OR1B1: variants seen among roughly 807,000 people sequenced by gnomAD.
The protein encoded by OR1B1 is olfactory receptor 1B1.
For missense variants in OR1B1, 414 were observed against 402.1 expected, an observed-to-expected ratio of 1.03 and a Z score of -0.25; for synonymous variants, 168 against 156.2, an observed-to-expected ratio of 1.08 and a Z score of -0.57.
the OR1B1 span, among the ~76,000 whole-genome samples, chr9:122,637,804 C>T: frequency 6.6e-6 from 1 of 151,808 alleles, no homozygotes; most frequent in Non-Finnish European, 1.5e-5. Context: ...ATTTTGTAGC[C>T]CAATATGTGG....
At chr9:122,651,289 A>T in the OR1B1 span, among the ~76,000 whole-genome samples, 32,517 of 152,072 alleles carry the variant, frequency 0.21, 3,760 homozygotes, top group East Asian at 0.4. Flanking sequence ...CATATCCATC[A>T]TCTCAAACAC....
chr9:122,639,765 ATATT>A, the OR1B1 span: 7 of 148,994 alleles, frequency 4.7e-5, no homozygotes, highest in African/African-American at 1.5e-4. Flanking sequence ...ATTTCAATAT[ATATT>A]TATATATATT....
At chr9:122,646,270 A>G in the OR1B1 span, among the ~76,000 whole-genome samples, 1 of 152,150 alleles carries the variant, frequency 6.6e-6, no homozygotes, top group Non-Finnish European at 1.5e-5. Context: ...GAAGACAAGA[A>G]GGAAGGAAAA....
At chr9:122,651,011 C>T in the OR1B1 span, among the ~76,000 whole-genome samples, 2 of 150,378 alleles carry the variant, frequency 1.3e-5, no homozygotes, top group Non-Finnish European at 1.5e-5. Flanking sequence ...GGTGACAGAG[C>T]GAGACGCCGT....
At chr9:122,654,789 T>G in the OR1B1 span, among the ~76,000 whole-genome samples, 1 of 152,246 alleles carries the variant, frequency 6.6e-6, no homozygotes. Context: ...TGTGCATTAC[T>G]TATTTCAGTC....
chr9:122,636,069 G>T, the OR1B1 span, among the ~76,000 whole-genome samples: 63 of 152,202 alleles, frequency 4.1e-4, no homozygotes, highest in East Asian at 0.012. Flanking sequence ...TCCTGTTAGG[G>T]CCCAAACTTA....
the OR1B1 span, among the ~76,000 whole-genome samples, chr9:122,656,832 C>A: frequency 1.3e-5 from 2 of 152,068 alleles, no homozygotes; most frequent in Non-Finnish European, 2.9e-5. Flanking sequence ...TGAATGGGTA[C>A]TTTTATTTTA....
At chr9:122,642,380 G>A in the OR1B1 span, among the ~76,000 whole-genome samples, 1 of 152,154 alleles carries the variant, frequency 6.6e-6, no homozygotes. Flanking sequence ...TGGATTGTGT[G>A]ACTCCAGCCT....
chr9:122,652,028 T>C, the OR1B1 span, among the ~76,000 whole-genome samples: 1 of 152,322 alleles, frequency 6.6e-6, no homozygotes, highest in African/African-American at 2.4e-5. Context: ...CTCCAACTCC[T>C]GGCCTCAAGT....
exon 1 of OR1B1, chr9:122,628,644 G>A: frequency 6.2e-7 from 1 of 1,614,074 alleles, no homozygotes. Context: ...TTATTGTGGA[G>A]GCTATACACA....
exon 1 of OR1B1, chr9:122,628,879 G>A (rs776196268): frequency 2.7e-5 from 44 of 1,614,038 alleles, no homozygotes; most frequent in Non-Finnish European, 3.4e-5. Flanking sequence ...AGAGTACAAT[G>A]AGGGCACAGG....
the OR1B1 span, among the ~76,000 whole-genome samples, chr9:122,654,730 A>T: frequency 6.6e-6 from 1 of 152,132 alleles, no homozygotes; most frequent in Non-Finnish European, 1.5e-5. Flanking sequence ...AATGAGTTCA[A>T]CTTTTCTAGA....
upstream of OR1B1, among the ~76,000 whole-genome samples, chr9:122,632,935 C>T (rs1174307269): frequency 6.6e-6 from 1 of 152,044 alleles, no homozygotes; most frequent in Non-Finnish European, 1.5e-5. Flanking sequence ...GCTGGGGAGA[C>T]CTCACAATCA....
the OR1B1 span, among the ~76,000 whole-genome samples, chr9:122,637,713 T>C: frequency 6.6e-6 from 1 of 152,218 alleles, no homozygotes; most frequent in African/African-American, 2.4e-5. Flanking sequence ...TATCTTTTTG[T>C]TACCAGTTTC....
At chr9:122,651,289 A>ATCT in the OR1B1 span, among the ~76,000 whole-genome samples, 1 of 152,004 alleles carries the variant, frequency 6.6e-6, no homozygotes, top group South Asian at 2.1e-4. Flanking sequence ...CATATCCATC[A>ATCT]TCTCAAACAC....
the OR1B1 span, among the ~76,000 whole-genome samples, chr9:122,650,482 T>C: frequency 6.6e-6 from 1 of 151,784 alleles, no homozygotes; most frequent in Admixed American, 6.6e-5. Context: ...ATTCTAGCAA[T>C]ATCAGTAAGA....
At chr9:122,632,684 T>C (rs1382468488), upstream of OR1B1, among the ~76,000 whole-genome samples, 1 of 152,218 alleles carries the variant, frequency 6.6e-6, no homozygotes, top group African/African-American at 2.4e-5. Flanking sequence ...TGGTTTTCCA[T>C]TCCTCAGTTA....
chr9:122,631,243 C>A (rs1294225411), upstream of OR1B1, among the ~76,000 whole-genome samples: 1 of 151,772 alleles, frequency 6.6e-6, no homozygotes, highest in African/African-American at 2.4e-5. Flanking sequence ...GTGGCACGAT[C>A]TCGGCTCACT....
the OR1B1 span, among the ~76,000 whole-genome samples, chr9:122,641,325 T>G: frequency 5.3e-5 from 8 of 152,338 alleles, no homozygotes; most frequent in Non-Finnish European, 1.5e-5. Flanking sequence ...TTACTGTTAA[T>G]TGAGTGTTTC....
Sources: allele counts gnomAD v4.1 joint callset (sites outside exome capture counted in the v4.1 genomes callset), GRCh38; gene constraint gnomAD v4.1.1; transcripts MANE v1.5; gene names NCBI Gene and HGNC (gene_info 2026-07-23, HGNC 2026-07-21).